CFAP299: variants seen among roughly 807,000 people sequenced by gnomAD.
The protein encoded by CFAP299 is cilia and flagella associated protein 299, also known as cilia- and flagella-associated protein 299.
Under a neutral mutation model 27.0 loss-of-function variants are expected in CFAP299, and 21 were observed. The ratio of observed to expected loss-of-function variants is 0.78; its 90% CI spans 0.55 to 1.12. The LOEUF (loss-of-function observed/expected upper bound fraction) is 1.12, where lower values mean the gene tolerates loss of function less well. Among genes scored for constraint, CFAP299 ranks in the 50% most tolerant of loss-of-function variants. The pLI is 0.00. For missense variants in CFAP299, 310 were observed against 276.6 expected (o/e 1.12, Z -0.86); for synonymous variants, 104 against 98.1 (o/e 1.06, Z -0.36).
chr4:80,805,789 G>C (rs867233445), intron 3 of CFAP299, among the ~76,000 whole-genome samples: 2 of 152,154 alleles, frequency 1.3e-5, no homozygotes, highest in African/African-American at 4.8e-5. Context: ...CAGGAGGCTC[G>C]CTTGAGCCTG....
intron 3 of CFAP299, among the ~76,000 whole-genome samples, chr4:80,819,759 T>C (rs1729604953): frequency 6.6e-6 from 1 of 152,142 alleles, no homozygotes; most frequent in Non-Finnish European, 1.5e-5. Flanking sequence ...GTAAGTACTA[T>C]GAGATCCTTA....
chr4:80,785,993 A>T (rs113900783), intron 3 of CFAP299, among the ~76,000 whole-genome samples: 1,674 of 152,296 alleles, frequency 0.011, 32 homozygotes, highest in African/African-American at 0.037. Flanking sequence ...GAATAATTTT[A>T]AAAAATCCTT....
chr4:80,933,694 A>G (rs1480826615), intron 4 of CFAP299, among the ~76,000 whole-genome samples: 2 of 152,038 alleles, frequency 1.3e-5, no homozygotes, highest in Non-Finnish European at 2.9e-5. Flanking sequence ...TGAGGGTACT[A>G]TAAATGTTAC....
At chr4:80,453,384 T>C (rs1258088610) in intron 2 of CFAP299, among the ~76,000 whole-genome samples, 5 of 152,236 alleles carry the variant, frequency 3.3e-5, no homozygotes, top group Non-Finnish European at 5.9e-5. Context: ...TTCTCATTTA[T>C]CATTCTTTTA....
chr4:80,748,009 C>G (rs183103015), intron 3 of CFAP299, among the ~76,000 whole-genome samples: 1 of 152,184 alleles, frequency 6.6e-6, no homozygotes, highest in East Asian at 1.9e-4. Flanking sequence ...AGATGTCTTA[C>G]AGGTACCTGA....
At chr4:80,592,604 A>T (rs1337826385) in intron 3 of CFAP299, among the ~76,000 whole-genome samples, 1 of 152,208 alleles carries the variant, frequency 6.6e-6, no homozygotes, top group Non-Finnish European at 1.5e-5. Flanking sequence ...GTCAGGAAAG[A>T]TGTTGAGTGT....
In CFAP299 at chr4:80,653,408, T is replaced by A. The variant is rs566113315; in HGVS notation, c.333+70225T>A. 1.0e-3 allele frequency among the ~76,000 whole-genome samples: 58 copies of A among 57,044 alleles called. 2 individuals carry two copies. In the South Asian group the frequency reaches 0.047, roughly 46 times the overall value. 37.4% of individuals were successfully genotyped at this position (57,044 alleles called of 152,430 possible). A position where few individuals can be genotyped will look rare whatever the true frequency, so the allele number is the denominator to read the frequency against. ...GGATTATGTATACAGTACAAAAATT[T>A]AAAAAATTACAAATGGCCTCCTACT... On this transcript the variant is annotated intron_variant, in intron 3 of 5. Transcript: ENST00000358105.
chr4:80,531,983 C>T (rs916786649), intron 2 of CFAP299, among the ~76,000 whole-genome samples: 8 of 152,026 alleles, frequency 5.3e-5, no homozygotes, highest in East Asian at 1.9e-4. Flanking sequence ...CCCGAACTCC[C>T]GACCTCAGGT....
intron 2 of CFAP299, among the ~76,000 whole-genome samples, chr4:80,414,313 G>A (rs1380295292): frequency 2.6e-5 from 4 of 151,510 alleles, no homozygotes; most frequent in Non-Finnish European, 4.4e-5. Context: ...CTCGTGATCC[G>A]CCCGCCTCGG....
chr4:80,521,501 A>G (rs922007486), intron 2 of CFAP299, among the ~76,000 whole-genome samples: 3 of 152,150 alleles, frequency 2.0e-5, no homozygotes, highest in African/African-American at 4.8e-5. Context: ...TGCTTAACAA[A>G]TTTTAATGTG....
At chr4:80,924,764 AT>A (rs1736225291) in intron 4 of CFAP299, among the ~76,000 whole-genome samples, 1 of 151,366 alleles carries the variant, frequency 6.6e-6, no homozygotes, top group Non-Finnish European at 1.5e-5. Context: ...CTAGAGTGTT[AT>A]AAGTATTATA....
intron 3 of CFAP299, among the ~76,000 whole-genome samples, chr4:80,775,071 T>G (rs570453193): frequency 3.5e-4 from 49 of 141,470 alleles, no homozygotes; most frequent in Admixed American, 1.1e-3. Flanking sequence ...AATAAAAAAA[T>G]AAAAAAAAAA....
At chr4:80,420,407 T>C (rs1727236859) in intron 2 of CFAP299, 1 of 267,960 alleles carries the variant, frequency 3.7e-6, no homozygotes. Flanking sequence ...TTGGGTGAGA[T>C]ATTTTTATTT....
intron 2 of CFAP299, among the ~76,000 whole-genome samples, chr4:80,567,749 AT>A (rs1735378779): frequency 7.2e-6 from 1 of 138,798 alleles, no homozygotes; most frequent in Non-Finnish European, 1.6e-5. Context: ...ATATATATAT[AT>A]AAGTACATAA....
intron 1 of CFAP299, among the ~76,000 whole-genome samples, chr4:80,340,840 A>C (rs188143611): frequency 1.2e-4 from 18 of 151,478 alleles, no homozygotes; most frequent in Non-Finnish European, 2.2e-4. Flanking sequence ...CAATGGTGCG[A>C]TCTCGGCTCA....
intron 3 of CFAP299, among the ~76,000 whole-genome samples, chr4:80,586,000 C>A (rs1427412194): frequency 6.6e-6 from 1 of 152,020 alleles, no homozygotes; most frequent in Non-Finnish European, 1.5e-5. Flanking sequence ...ACATATAATC[C>A]TGGCTTTAGA....
At chr4:80,911,018 C>T (rs2110203314) in intron 4 of CFAP299, among the ~76,000 whole-genome samples, 1 of 152,086 alleles carries the variant, frequency 6.6e-6, no homozygotes, top group Non-Finnish European at 1.5e-5. Flanking sequence ...ATCTTTGGCT[C>T]TCAGTCTCTC....
chr4:80,448,453 C>T (rs1244789817), intron 2 of CFAP299, among the ~76,000 whole-genome samples: 1 of 152,110 alleles, frequency 6.6e-6, no homozygotes. Flanking sequence ...TAATATAATA[C>T]TATTTAGTGG....
chr4:80,869,052 C>T (rs1488498840), intron 3 of CFAP299, among the ~76,000 whole-genome samples: 1 of 151,854 alleles, frequency 6.6e-6, no homozygotes, highest in Admixed American at 6.6e-5. Flanking sequence ...AATTATAGCT[C>T]ATGTTCTTGT....
Sources: allele counts gnomAD v4.1 joint callset (sites outside exome capture counted in the v4.1 genomes callset), GRCh38; gene constraint gnomAD v4.1.1; transcripts MANE v1.5; gene names NCBI Gene and HGNC (gene_info 2026-07-23, HGNC 2026-07-21).